C4orf50: variants seen among roughly 807,000 people sequenced by gnomAD.
C4orf50 encodes the protein uncharacterized protein C4orf50.
In C4orf50, 80 loss-of-function variants were observed where a neutral mutation model predicts 77.2. The observed-to-expected ratio is 1.04, with a 90% CI of 0.87 to 1.25. C4orf50 has a LOEUF of 1.25. Ranked by LOEUF, C4orf50 falls within the 50% of genes most tolerant of loss-of-function variation. The probability of loss-of-function intolerance (pLI) is 0.00; values close to 1 mark genes in which losing one functional copy is unlikely to be tolerated. For synonymous variants in C4orf50, 532 were observed against 465.3 expected (o/e 1.14, Z -1.84); for missense variants, 1,257 against 1,152.9 (o/e 1.09, Z -1.31).
At chr4:5,938,101 C>T (rs1718106024) in intron 7 of C4orf50, among the ~76,000 whole-genome samples, 1 of 152,020 alleles carries the variant, frequency 6.6e-6, no homozygotes, top group Non-Finnish European at 1.5e-5. Context: ...AAGTCTGAAA[C>T]ATTAGTATAA....
chr4:5,990,168 A>G, exon 28 of C4orf50: 6 of 1,251,092 alleles, frequency 4.8e-6, no homozygotes, highest in Non-Finnish European at 6.0e-6. Flanking sequence ...CCTGTAGAAG[A>G]GGCATCAAAA....
chr4:5,946,394 G>A (rs1170193781), intron 7 of C4orf50, among the ~76,000 whole-genome samples: 2 of 152,178 alleles, frequency 1.3e-5, no homozygotes, highest in East Asian at 1.9e-4. Context: ...GAAAGTAAAA[G>A]TTCCTCTTCA....
intron 31 of C4orf50, among the ~76,000 whole-genome samples, chr4:5,973,164 A>G (rs899601464): frequency 4.6e-5 from 7 of 152,210 alleles, no homozygotes; most frequent in African/African-American, 1.7e-4. Flanking sequence ...CTCCCTGCTC[A>G]TGCCCCGTCA....
At position 5,951,726 on chromosome 4, in the gene C4orf50, C is replaced by T. The variant is rs554313953; in HGVS notation, c.*2474+5175G>A. Among the ~76,000 whole-genome samples, 18 of 152,188 alleles carry T rather than the reference C, an allele frequency of 1.2e-4. No individual in the cohort carries two copies. The South Asian group carries it at 1.2e-3, about 11-fold the overall frequency. ...AGAGTCTGAAGTCTCCCTGCTCTAC[C>T]GCCCTCCACACTTCCTGTTTCTTCT... is the stretch of plus-strand genomic sequence containing the variant. On this transcript the variant is annotated intron_variant, in intron 7 of 7. Coordinates refer to the C4orf50 transcript ENST00000324058.
rs1323693001 is a variant in C4orf50 at position 5,899,654 on chromosome 4, A to C, written c.*2475-1466T>G. On this transcript the variant is annotated intron_variant, in intron 7 of 7. Coordinates refer to the C4orf50 transcript ENST00000324058. ...TGAGTCTAGCACAGAAGAAACCCAC[A>C]ATAGCATTTTAGAACTTAAATAGCA... The C allele has an allele frequency of 2.0e-5, 3 of 152,206 alleles. No individual in the cohort carries two copies. In the East Asian group the frequency reaches 5.8e-4, roughly 29 times the overall value. 9.4% of individuals were successfully genotyped at this position (152,206 alleles called of 1,614,324 possible). A position where few individuals can be genotyped will look rare whatever the true frequency, so the allele number is the denominator to read the frequency against.
intron 25 of C4orf50, among the ~76,000 whole-genome samples, chr4:6,003,758 TGTGATAGTGATGATG>T (rs1404880156): frequency 5.8e-4 from 49 of 84,010 alleles, no homozygotes; most frequent in Non-Finnish European, 9.6e-4. Context: ...ATGGTGATGA[TGTGATAGTGATGATG>T]GTGATGATGG....
chr4:5,989,417 C>T (rs1411539659), exon 28 of C4orf50: 4 of 1,535,970 alleles, frequency 2.6e-6, no homozygotes, highest in African/African-American at 2.7e-5. Flanking sequence ...GGCTTATCAC[C>T]TTCACCACTC....
chr4:5,925,386 A>C (rs1188769103), intron 7 of C4orf50, among the ~76,000 whole-genome samples: 1 of 152,182 alleles, frequency 6.6e-6, no homozygotes, highest in Non-Finnish European at 1.5e-5. Context: ...GGAGCCCTGA[A>C]GCTTGTGTGG....
chr4:5,959,394 G>A lies in C4orf50; in HGVS notation c.4508C>T (p.Pro1503Leu), dbSNP rs114457624. 8.7e-5 allele frequency: 140 copies of A among 1,614,094 alleles called. No homozygotes were observed. The South Asian group carries it at 9.1e-4, about 11-fold the overall frequency. Residue 1503 changes from proline (P) to leucine (L), a missense_variant, in exon 34 of 34, where the codon CCG becomes CTG. Coordinates refer to ENST00000531445, the Ensembl canonical transcript of C4orf50. ...GCCCTATTACATTTCTAACTCCAGC[G>A]GTGATTTATGGACCTGGGAATTGCT...
intron 26 of C4orf50, among the ~76,000 whole-genome samples, chr4:5,993,481 T>C (rs890951433): frequency 2.0e-5 from 3 of 152,218 alleles, no homozygotes; most frequent in African/African-American, 7.2e-5. Context: ...TCAGGCTCCC[T>C]GAGTGCAGGG....
Position 5,950,095 on chromosome 4 carries a change from C to T in C4orf50, c.*2474+6806G>A, listed in dbSNP as rs1718654243. 2.0e-5 allele frequency among the ~76,000 whole-genome samples: 3 copies of T among 151,922 alleles called. No homozygotes were observed. In the South Asian group the frequency reaches 6.2e-4, roughly 32 times the overall value. The stretch of plus-strand genomic sequence containing the variant: ...ATAGGTTGGTGCTACTTTTAAATAG[C>T]AAAAACTGCAATTATTTTTGCACCA... On this transcript the variant is annotated intron_variant, in intron 7 of 7. Coordinates refer to the C4orf50 transcript ENST00000324058.
At chr4:5,998,466 C>T (rs1308394762) in intron 25 of C4orf50, among the ~76,000 whole-genome samples, 1 of 152,206 alleles carries the variant, frequency 6.6e-6, no homozygotes, top group South Asian at 2.1e-4. Context: ...AGGCTGCCTG[C>T]AATTCACCCA....
rs191675596 is a variant in C4orf50 at position 6,018,469 on chromosome 4, A to G, written c.-38T>C. ...TCATGGGGCAAGACTTAATAATAAA[A>G]TTAAGTGAGTTTGCAACATTGACTT... On this transcript the variant is annotated 5_prime_UTR_variant, in exon 23 of 34. Coordinates refer to ENST00000531445, the Ensembl canonical transcript of C4orf50. This position sits in a 1 kb window ranked among gnomAD's most constrained non-coding sequence, Gnocchi z 5.1. The G allele has an allele frequency of 2.1e-4, 83 of 398,846 alleles. No individual in the cohort carries two copies. The highest frequency in any genetic ancestry group is 1.6e-3 in the African/African-American group (76 of 48,738). 24.7% of individuals were successfully genotyped at this position (398,846 alleles called of 1,614,324 possible). A position where few individuals can be genotyped will look rare whatever the true frequency, so the allele number is the denominator to read the frequency against.
chr4:5,972,826 C>T (rs960636588), intron 31 of C4orf50, among the ~76,000 whole-genome samples: 4 of 152,154 alleles, frequency 2.6e-5, no homozygotes, highest in Non-Finnish European at 5.9e-5. Context: ...TCCCCAGGAA[C>T]GGGGCTGCAT....
chr4:5,965,149 G>A lies in C4orf50; in HGVS notation c.4154-4C>T, dbSNP rs1292911949. The A allele has an allele frequency of 6.2e-7, 1 of 1,611,124 alleles. No homozygotes were observed. Among genetic ancestry groups the A allele is most frequent in the Non-Finnish European group, 8.5e-7 (1 of 1,178,772 alleles). ...GGATTCAAGAGGTATGTCTGAGCTG[G>A]AAGGGAAAATTCTCAGTCAAGCCTC... On this transcript the variant is annotated splice_polypyrimidine_tract_variant and splice_region_variant and intron_variant, in intron 32 of 33. Transcript: ENST00000531445.
chr4:5,914,735 G>A (rs1007888527), intron 7 of C4orf50, among the ~76,000 whole-genome samples: 1 of 152,170 alleles, frequency 6.6e-6, no homozygotes, highest in Admixed American at 6.5e-5. Context: ...CTATTCTATA[G>A]CATTAAAGTT....
intron 7 of C4orf50, among the ~76,000 whole-genome samples, chr4:5,926,437 G>T (rs376508505): frequency 3.9e-5 from 6 of 152,202 alleles, no homozygotes; most frequent in African/African-American, 1.4e-4. Context: ...ACCCCAGAGC[G>T]TGGAGGGAAC....
intron 28 of C4orf50, among the ~76,000 whole-genome samples, chr4:5,985,110 C>G (rs568161082): frequency 1.3e-5 from 2 of 151,862 alleles, no homozygotes; most frequent in Admixed American, 1.3e-4. Context: ...AGTGAAATAC[C>G]TGGCTACCTA....
chr4:5,918,693 G>A (rs1717137707), intron 7 of C4orf50, among the ~76,000 whole-genome samples: 2 of 152,184 alleles, frequency 1.3e-5, no homozygotes, highest in Non-Finnish European at 1.5e-5. Context: ...CATCCCAAAG[G>A]CATACTAAGG....
Sources: gnomAD v4.1 joint callset for allele counts (sites outside exome capture counted in the v4.1 genomes callset) on GRCh38, gnomAD v4.1.1 for gene constraint, Gnocchi (gnomAD v3.1) non-coding constraint, MANE v1.5 for transcripts, NCBI Gene and HGNC (gene_info 2026-07-23, HGNC 2026-07-21) for gene names.